AHDC1: variants seen among roughly 807,000 people sequenced by gnomAD.
AHDC1 encodes the protein transcription factor Gibbin.
A neutral mutation model predicts 87.9 loss-of-function variants in AHDC1; 7 were observed. The ratio of observed to expected loss-of-function variants is 0.08; its 90% CI spans 0.05 to 0.15. The LOEUF is 0.15. Among genes scored for constraint, AHDC1 ranks in the 10% least tolerant of loss-of-function variants. AHDC1 has a pLI of 1.00. For synonymous variants in AHDC1, 1,051 were observed against 1,006.8 expected (o/e 1.04, Z -0.83); for missense variants, 1,841 against 2,253.2 (o/e 0.82, Z 3.70).
At chr1:27,581,414 A>T (rs2088905654) in intron 3 of AHDC1, among the ~76,000 whole-genome samples, 1 of 151,960 alleles carries the variant, frequency 6.6e-6, no homozygotes. Flanking sequence ...CTTAGCCAAA[A>T]TGGTAACCAA....
chr1:27,560,637 C>T lies in AHDC1; in HGVS notation c.-628-1754G>A, dbSNP rs992184121. Reference sequence around the variant, plus strand: ...GTCAGTATGTGCTCGTGTGTGTGTCCATGCATGTGTGGATTTGTGTGACCT... The same window carrying T: ...GTCAGTATGTGCTCGTGTGTGTGTCTATGCATGTGTGGATTTGTGTGACCT... On this transcript the variant is annotated intron_variant, in intron 3 of 8. Transcript: ENST00000673934. The surrounding 1 kb of genome is among the most constrained non-coding windows in gnomAD (Gnocchi z 4.1). Among the ~76,000 whole-genome samples the T allele has an allele frequency of 6.6e-6, 1 of 151,990 alleles. No homozygotes were observed. The highest frequency in any genetic ancestry group is 2.4e-5 in the African/African-American group (1 of 41,352).
In AHDC1 at chr1:27,550,286, G is replaced by A. The variant is rs768338688; in HGVS notation, c.1830C>T (p.Ala610=). ...SYAADANDSK[A]EYSDVLAKLA... is the part of the protein sequence containing the mutation. The stretch of plus-strand genomic sequence containing the variant: ...GCTTGGCCAGGACGTCTGAGTACTC[G>A]GCCTTGCTGTCGTTGGCGTCTGCTG... The change falls in exon 8 of 9, where the codon GCC becomes GCT. Residue 610 remains alanine (A), a synonymous_variant. Transcript: ENST00000673934. The A allele has an allele frequency of 3.7e-6, 6 of 1,614,062 alleles. No homozygotes were observed. The highest frequency in any genetic ancestry group is 2.2e-5 in the South Asian group (2 of 91,082).
intron 3 of AHDC1, among the ~76,000 whole-genome samples, chr1:27,580,701 A>G (rs993774830): frequency 6.6e-6 from 1 of 152,218 alleles, no homozygotes; most frequent in Non-Finnish European, 1.5e-5. Context: ...CATGAGGTAT[A>G]TTGCTCTGCC....
rs919435326 is a variant in AHDC1 at position 27,549,532 on chromosome 1, G to C, written c.2584C>G (p.Pro862Ala). The change falls in exon 8 of 9, where the codon CCA becomes GCA. Residue 862 changes from proline (P) to alanine (A), a missense_variant. Physicochemically the swap from Pro to Ala is conservative, Grantham distance 27. This residue lies in a region of AHDC1 where 378 missense variants were observed against 399.0 expected (regional missense o/e 0.95). Coordinates refer to ENST00000673934, the MANE Select transcript of AHDC1 (RefSeq NM_001371928.1). ...GTGCCCGATGCCTTCCGGGACTCTG[G>C]GCGAGAGGCTGAGAGGGCAAAGTCC... ...LLDFALSASR[P>A]ESRKASGTYA... 5 of 1,613,196 alleles carry C rather than the reference G, an allele frequency of 3.1e-6. No homozygotes were observed. In the African/African-American group the frequency reaches 6.7e-5, roughly 22 times the overall value.
rs1259803416 is a variant in AHDC1, at chr1:27,598,040, G to C, written c.-629+5357C>G. Among the ~76,000 whole-genome samples, 2 of 152,144 alleles carry C rather than the reference G, an allele frequency of 1.3e-5. No individual in the cohort carries two copies. Among genetic ancestry groups the C allele is most frequent in the Non-Finnish European group, 2.9e-5 (2 of 68,014 alleles). On this transcript the variant is annotated intron_variant, in intron 3 of 8. Transcript: ENST00000673934. This position sits in a 1 kb window ranked among gnomAD's most constrained non-coding sequence, Gnocchi z 4.2. Reference sequence around the variant, plus strand: ...TGTTTCACCACCCATCTGTCTGGCTGTCTGTGTTAGTCCTTCCAAGGGTGC... The same window carrying C: ...TGTTTCACCACCCATCTGTCTGGCTCTCTGTGTTAGTCCTTCCAAGGGTGC...
At chr1:27,578,981 C>T (rs1424819629) in intron 3 of AHDC1, among the ~76,000 whole-genome samples, 1 of 151,982 alleles carries the variant, frequency 6.6e-6, no homozygotes, top group African/African-American at 2.4e-5. Flanking sequence ...CAGGCGTGAG[C>T]CACCACACCC....
At chr1:27,553,762 G>C (rs548324846) in intron 5 of AHDC1, among the ~76,000 whole-genome samples, 1 of 152,178 alleles carries the variant, frequency 6.6e-6, no homozygotes, top group Admixed American at 6.5e-5. Context: ...CTACAGCAGC[G>C]CTTAAAAAAA....
intron 5 of AHDC1, among the ~76,000 whole-genome samples, chr1:27,555,798 T>C (rs943444099): frequency 6.6e-6 from 1 of 151,062 alleles, no homozygotes; most frequent in Non-Finnish European, 1.5e-5. Flanking sequence ...GGGTGTGATC[T>C]TGGCAGAAGA....
In AHDC1 at chr1:27,548,528, C is replaced by T. The variant is rs780177717; in HGVS notation, c.3588G>A (p.Ser1196=). 9 of 1,613,740 alleles carry T rather than the reference C, an allele frequency of 5.6e-6. No homozygotes were observed. Among genetic ancestry groups the T allele is most frequent in the South Asian group, 3.3e-5 (3 of 91,078 alleles). Residue 1196 remains serine (S), a synonymous_variant, in exon 8 of 9, where the codon TCG becomes TCA. Transcript: ENST00000673934. ...TCAGTTTCTCCAGGCTGGACAGGCT[C>T]GACTGGCCCTCACTACTTGAGGCCT... ...NSEASSSEGQ[S]SLSSLEKLMM...
At chr1:27,584,930 T>C (rs369730608) in intron 3 of AHDC1, among the ~76,000 whole-genome samples, 4 of 152,140 alleles carry the variant, frequency 2.6e-5, no homozygotes, top group African/African-American at 9.6e-5. Context: ...CTCAGCACTT[T>C]GGGAGGCCGA....
intron 3 of AHDC1, among the ~76,000 whole-genome samples, chr1:27,601,052 A>G (rs1445132846): frequency 2.6e-5 from 4 of 152,112 alleles, no homozygotes; most frequent in Non-Finnish European, 5.9e-5. Flanking sequence ...CAACAATAAT[A>G]AACAGCAAGC....
At chr1:27,536,446 G>A (rs749803892) in intron 8 of AHDC1, among the ~76,000 whole-genome samples, 3 of 152,190 alleles carry the variant, frequency 2.0e-5, no homozygotes, top group Non-Finnish European at 4.4e-5. Context: ...CCGTAGGGGC[G>A]AGCGGTGTGC....
chr1:27,575,155 A>G (rs1287747313), intron 3 of AHDC1, among the ~76,000 whole-genome samples: 1 of 152,142 alleles, frequency 6.6e-6, no homozygotes, highest in African/African-American at 2.4e-5. Context: ...GGGCCCGAAG[A>G]GCCCGCCTCC....
intron 3 of AHDC1, among the ~76,000 whole-genome samples, chr1:27,583,784 GATA>G (rs1343386379): frequency 2.6e-5 from 4 of 152,164 alleles, no homozygotes; most frequent in African/African-American, 9.7e-5. Context: ...GTGAAATAAG[GATA>G]ATATGAGCCC....
intron 5 of AHDC1, among the ~76,000 whole-genome samples, chr1:27,556,301 CCT>C (rs971269706): frequency 6.6e-5 from 10 of 151,186 alleles, no homozygotes; most frequent in Non-Finnish European, 1.0e-4. Flanking sequence ...GCCTCATGAC[CCT>C]CTCTCCAGCT....
chr1:27,543,824 A>G (rs2019042070), intron 8 of AHDC1, among the ~76,000 whole-genome samples: 1 of 152,172 alleles, frequency 6.6e-6, no homozygotes. Context: ...GCGCCCCTGT[A>G]ATCCCAGCTA....
chr1:27,567,395 G>T (rs998422950), intron 3 of AHDC1, among the ~76,000 whole-genome samples: 37 of 151,984 alleles, frequency 2.4e-4, no homozygotes, highest in Admixed American at 2.4e-3. Context: ...GGGGCCGGGA[G>T]GGGGGCTGAG....
chr1:27,552,293 T>A, intron 7 of AHDC1, 104 bp from the exon 8 acceptor site: 1 of 1,135,648 alleles, frequency 8.8e-7, no homozygotes, highest in Non-Finnish European at 1.1e-6. Flanking sequence ...TGAGGTCTCA[T>A]CTCCTTACCA....
At position 27,551,392 on chromosome 1, in the gene AHDC1, C is replaced by A. The variant is rs772896338; in HGVS notation, c.724G>T (p.Ala242Ser). 33 of 1,613,570 alleles carry A rather than the reference C, an allele frequency of 2.0e-5. No homozygotes were observed. Among genetic ancestry groups the A allele is most frequent in the Non-Finnish European group, 2.6e-5 (31 of 1,179,962 alleles). ...GAGGCCAGCTCACTAAGGATGTCGGCGTCAGCAAGTTCTGAGTAATCAGTG... is the reference window on the plus strand; with the variant it reads ...GAGGCCAGCTCACTAAGGATGTCGGAGTCAGCAAGTTCTGAGTAATCAGTG... ...DSTDYSELAD[A>S]DILSELASLT... Residue 242 changes from alanine to serine, a missense_variant, in exon 8 of 9, where the codon GCC (alanine) becomes TCC (serine). By Grantham distance (99) the Ala-to-Ser change is moderately conservative. Around this residue, in one of 13 missense-constraint regions of AHDC1, gnomAD observed 370 missense variants for 391.5 expected, o/e 0.95. Transcript: ENST00000673934.
Sources: gnomAD v4.1 joint callset for allele counts (sites outside exome capture counted in the v4.1 genomes callset) on GRCh38, gnomAD v4.1.1 for gene constraint, gnomAD v4.1.1 regional missense constraint, Gnocchi (gnomAD v3.1) non-coding constraint, MANE v1.5 for transcripts, NCBI Gene and HGNC (gene_info 2026-07-23, HGNC 2026-07-21) for gene names.